Variants in PON2 observed in about 807,000 individuals in gnomAD.
PON2 encodes serum paraoxonase/arylesterase 2.
A neutral mutation model predicts 36.6 loss-of-function variants in PON2; 27 were observed. That is an observed-to-expected ratio of 0.74 (90% CI 0.54 to 1.02). The LOEUF (loss-of-function observed/expected upper bound fraction) is 1.02, where lower values mean the gene tolerates loss of function less well. Ranked by LOEUF, PON2 falls within the 50% of genes least tolerant of loss-of-function variation. The probability of loss-of-function intolerance (pLI) is 0.00; values close to 1 mark genes in which losing one functional copy is unlikely to be tolerated. For missense variants in PON2, 363 were observed against 421.1 expected (o/e 0.86, Z 1.21); for synonymous variants, 149 against 156.3 (o/e 0.95, Z 0.35).
At chr7:95,417,985 T>C (rs902648013) in intron 2 of PON2, among the ~76,000 whole-genome samples, 2 of 152,144 alleles carry the variant, frequency 1.3e-5, no homozygotes, top group African/African-American at 4.8e-5. Context: ...AGAAATCTTT[T>C]TTTAAAAAAA....
rs191670448 is a variant in PON2 at position 95,412,224 on chromosome 7, T to C, written c.367+88A>G. On this transcript the variant is annotated intron_variant, in intron 4 of 8. Coordinates refer to ENST00000222572, the MANE Select transcript of PON2 (RefSeq NM_000305.3). ...CACTCATGAGTTAATTGTTCTTCTCTTCCTAGAAATATGATCCAAATCTAT... is the reference window on the plus strand; with the variant it reads ...CACTCATGAGTTAATTGTTCTTCTCCTCCTAGAAATATGATCCAAATCTAT... 4,397 of 1,528,576 alleles carry C rather than the reference T, an allele frequency of 2.9e-3. 8 individuals carry two copies. Among genetic ancestry groups the C allele is most frequent in the Non-Finnish European group, 3.4e-3 (3,738 of 1,106,008 alleles). The allele number at this position is 1,528,576 out of a possible 1,614,324, so 94.7% of individuals were successfully genotyped here.
chr7:95,412,008 C>T (rs1329102323), intron 4 of PON2, among the ~76,000 whole-genome samples: 2 of 152,166 alleles, frequency 1.3e-5, no homozygotes, highest in East Asian at 3.8e-4. Flanking sequence ...AGAATTCATG[C>T]ATAATCTGTT....
At chr7:95,406,045 C>A in intron 8 of PON2, 74 bp downstream of exon 8, 1 of 1,500,492 alleles carries the variant, frequency 6.7e-7, no homozygotes. Context: ...CAAATCATCC[C>A]TGTGACAATT....
In PON2 at chr7:95,415,948, G is replaced by A. The variant is rs748688820; in HGVS notation, c.201+294C>T. 3.9e-4 allele frequency: 168 copies of A among 432,472 alleles called. 1 individual carries two copies. Among genetic ancestry groups the A allele is most frequent in the South Asian group, 2.3e-3 (92 of 40,064 alleles). 26.8% of individuals were successfully genotyped at this position (432,472 alleles called of 1,614,324 possible). The stretch of plus-strand genomic sequence containing the variant: ...GCCGGGGCAACCAGAACAAGACTCC[G>A]TCTCAAAAAATAAAAAAAATTAAAA... On this transcript the variant is annotated intron_variant, in intron 3 of 8. Transcript: ENST00000222572.
intron 5 of PON2, 95 bp downstream of exon 5, chr7:95,411,558 C>T: frequency 7.1e-7 from 1 of 1,406,182 alleles, no homozygotes; most frequent in Non-Finnish European, 1.0e-6. Flanking sequence ...CTAATATATA[C>T]ATTAGCGCTT....
chr7:95,419,854 C>T (rs1006476389), intron 2 of PON2, among the ~76,000 whole-genome samples: 1 of 152,140 alleles, frequency 6.6e-6, no homozygotes, highest in Non-Finnish European at 1.5e-5. Context: ...CTACCCTAGG[C>T]CATTCACTTA....
chr7:95,428,032 C>A (rs137916166), intron 1 of PON2, among the ~76,000 whole-genome samples: 79 of 152,298 alleles, frequency 5.2e-4, no homozygotes, highest in African/African-American at 1.9e-3. Flanking sequence ...TGTGCCAGGT[C>A]AGAGATGCAT....
rs750834751 is a variant in PON2 at position 95,405,538 on chromosome 7, C to T, written c.907-50G>A. The T allele has an allele frequency of 1.1e-5, 17 of 1,542,054 alleles. No homozygotes were observed. The East Asian group carries it at 3.8e-4, about 35-fold the overall frequency. On this transcript the variant is annotated intron_variant, in intron 8 of 8. Coordinates refer to ENST00000222572, the MANE Select transcript of PON2 (RefSeq NM_000305.3). ...ATATAAGACCACCGTACATGCATGT[C>T]ACTCAATCATCAATAAGCCCTGTTT...
intron 1 of PON2, among the ~76,000 whole-genome samples, chr7:95,425,242 T>A (rs1379740213): frequency 1.3e-5 from 2 of 152,168 alleles, no homozygotes; most frequent in Non-Finnish European, 2.9e-5. Context: ...CATGACAGTA[T>A]GTATTGGAAT....
At chr7:95,406,389 G>T (rs1809695044) in intron 7 of PON2, 142 bp from the exon 8 acceptor site, 1 of 919,476 alleles carries the variant, frequency 1.1e-6, no homozygotes, top group Non-Finnish European at 1.7e-6. Context: ...TTGCTTAAAA[G>T]GAATGTATTA....
At chr7:95,416,886 T>C (rs1285080843) in intron 2 of PON2, among the ~76,000 whole-genome samples, 3 of 152,194 alleles carry the variant, frequency 2.0e-5, no homozygotes, top group East Asian at 1.9e-4. Context: ...AAAAATACCA[T>C]GCACCTAAGC....
intron 2 of PON2, among the ~76,000 whole-genome samples, chr7:95,417,432 T>C (rs1370934440): frequency 3.3e-5 from 5 of 152,174 alleles, no homozygotes; most frequent in Admixed American, 3.3e-4. Flanking sequence ...TGGATCACTT[T>C]TGGGCTTCAA....
rs1031020993 is a variant in PON2 at position 95,412,960 on chromosome 7, G to A, written c.202-483C>T. On this transcript the variant is annotated intron_variant, in intron 3 of 8. Transcript: ENST00000222572. ...ATTTTAATGTCTCATGTCTATTCCT[G>A]TGCCAATATAACACTTTTTAAATTA... The A allele has an allele frequency of 3.8e-5, 7 of 186,066 alleles. No homozygotes were observed. In the East Asian group the frequency reaches 4.2e-4, roughly 11 times the overall value. The allele number at this position is 186,066 out of a possible 1,614,324, so 11.5% of individuals were successfully genotyped here.
chr7:95,405,218 C>G lies in PON2; in HGVS notation c.*112G>C, dbSNP rs1297015435. On this transcript the variant is annotated 3_prime_UTR_variant, in exon 9 of 9. Coordinates refer to ENST00000222572, the MANE Select transcript of PON2 (RefSeq NM_000305.3). ...CCGTTCCTTACTGGAATAAAATTAA[C>G]TACACATGCCATACATTTCTGGGTC... is the stretch of plus-strand genomic sequence containing the variant. The G allele has an allele frequency of 8.5e-7, 1 of 1,177,604 alleles. No homozygotes were observed. Among genetic ancestry groups the G allele is most frequent in the African/African-American group, 1.5e-5 (1 of 65,034 alleles). 72.9% of individuals were successfully genotyped at this position (1,177,604 alleles called of 1,614,324 possible). A position where few individuals can be genotyped will look rare whatever the true frequency, so the allele number is the denominator to read the frequency against.
chr7:95,424,602 AAAAC>A lies in PON2; in HGVS notation c.75-21_75-18del, dbSNP rs1054875327. 1.9e-6 allele frequency: 3 copies of A among 1,575,998 alleles called. No homozygotes were observed. The highest frequency in any genetic ancestry group is 3.3e-5 in the Admixed American group (2 of 59,898). On this transcript the variant is annotated intron_variant, in intron 1 of 8. Transcript: ENST00000222572. Reference sequence around the variant, plus strand: ...AGTCGATTTCTGTTACAAAGAAAAAAAAACAAAAAACAAAAAACTATTTGTTTAT... The same window carrying A: ...AGTCGATTTCTGTTACAAAGAAAAAAAAAAAACAAAAAACTATTTGTTTAT...
chr7:95,417,951 A>T, intron 2 of PON2, among the ~76,000 whole-genome samples: 1 of 152,242 alleles, frequency 6.6e-6, no homozygotes, highest in Non-Finnish European at 1.5e-5. Flanking sequence ...ACAAAATTGT[A>T]TATTTTTTAA....
At chr7:95,430,512 C>T (rs1161725505) in intron 1 of PON2, among the ~76,000 whole-genome samples, 1 of 151,928 alleles carries the variant, frequency 6.6e-6, no homozygotes, top group Non-Finnish European at 1.5e-5. Flanking sequence ...GTTGGTCAGG[C>T]TGGTCTTGAA....
intron 1 of PON2, 34 bp from the exon 2 acceptor site, chr7:95,424,619 AC>A (rs1350292472): frequency 6.4e-7 from 1 of 1,551,796 alleles, no homozygotes; most frequent in Admixed American, 1.7e-5. Context: ...AAAACAAAAA[AC>A]TATTTGTTTA....
chr7:95,412,406 T>C lies in PON2; in HGVS notation c.273A>G (p.Lys91=), dbSNP rs13306701. ...KPGGILMMDL[K]EEKPRARELR... is the part of the protein sequence containing the mutation. ...ATTCCCGTGCCCTTGGTTTTTCTTC[T>C]TTTAGATCCATCATTAGTATTCCTC... The change falls in exon 4 of 9, where the codon AAA becomes AAG. Residue 91 remains lysine (K), a synonymous_variant. Transcript: ENST00000222572. The C allele has an allele frequency of 8.0e-4, 1,287 of 1,614,160 alleles. 19 individuals are homozygous for C. The East Asian group carries it at 0.027, about 34-fold the overall frequency.
Sources: gnomAD v4.1 joint callset for allele counts (sites outside exome capture counted in the v4.1 genomes callset) on GRCh38, gnomAD v4.1.1 for gene constraint, MANE v1.5 for transcripts, NCBI Gene and HGNC (gene_info 2026-07-23, HGNC 2026-07-21) for gene names.